FAM184B: variants seen among roughly 807,000 people sequenced by gnomAD.
FAM184B encodes family with sequence similarity 184 member B.
Under a neutral mutation model 135.9 loss-of-function variants are expected in FAM184B, and 111 were observed. The ratio of observed to expected loss-of-function variants is 0.82; its 90% CI spans 0.70 to 0.96. The LOEUF is 0.96. Among genes scored for constraint, FAM184B ranks in the 40% least tolerant of loss-of-function variants. The pLI is 0.00. For synonymous variants in FAM184B, 552 were observed against 524.8 expected, an observed-to-expected ratio of 1.05 and a Z score of -0.71; for missense variants, 1,375 against 1,323.9, an observed-to-expected ratio of 1.04 and a Z score of -0.60.
intron 2 of FAM184B, 41 bp from the exon 3 acceptor site, chr4:17,707,825 C>G: frequency 6.4e-7 from 1 of 1,550,562 alleles, no homozygotes; most frequent in East Asian, 2.4e-5. Flanking sequence ...GGTTATAGCT[C>G]TGTATAGAGA....
intron 1 of FAM184B, among the ~76,000 whole-genome samples, chr4:17,759,557 C>T (rs1489221835): frequency 6.6e-6 from 1 of 152,070 alleles, no homozygotes; most frequent in Admixed American, 6.5e-5. Flanking sequence ...GGCTGGAGTG[C>T]AGTGGCTCAC....
At chr4:17,708,052 T>G (rs77570198) in intron 2 of FAM184B, among the ~76,000 whole-genome samples, 4,678 of 152,308 alleles carry the variant, frequency 0.031, 135 homozygotes, top group African/African-American at 0.077. Flanking sequence ...GATGGGGCTC[T>G]GTGCTTTTGT....
chr4:17,647,123 A>G (rs1715488587), intron 12 of FAM184B, among the ~76,000 whole-genome samples: 1 of 107,816 alleles, frequency 9.3e-6, no homozygotes, highest in African/African-American at 2.8e-5. Context: ...CAGCACTTAA[A>G]ACCTTTTTTT....
chr4:17,714,181 C>T (rs774676674), intron 1 of FAM184B, among the ~76,000 whole-genome samples: 29 of 152,262 alleles, frequency 1.9e-4, no homozygotes, highest in Admixed American at 5.2e-4. Flanking sequence ...ATCAAGGATT[C>T]ACGCTTTCCT....
chr4:17,765,670 TATTTGTTCTTGA>T (rs1718656804), intron 1 of FAM184B, among the ~76,000 whole-genome samples: 1 of 152,210 alleles, frequency 6.6e-6, no homozygotes, highest in South Asian at 2.1e-4. Flanking sequence ...ATTCTGGTTG[TATTTGTTCTTGA>T]AATTATGTAA....
At chr4:17,649,732 C>T (rs1030786150) in intron 11 of FAM184B, among the ~76,000 whole-genome samples, 1 of 152,072 alleles carries the variant, frequency 6.6e-6, no homozygotes, top group Non-Finnish European at 1.5e-5. Flanking sequence ...AAACTCTTTA[C>T]CAAATCATAA....
At chr4:17,711,379 G>A (rs754404125) in intron 1 of FAM184B, among the ~76,000 whole-genome samples, 5 of 152,090 alleles carry the variant, frequency 3.3e-5, no homozygotes, top group Non-Finnish European at 5.9e-5. Context: ...TGGGGAGGCC[G>A]AGGGAGGAGA....
At chr4:17,767,290 G>C (rs2108995780) in intron 1 of FAM184B, among the ~76,000 whole-genome samples, 1 of 152,342 alleles carries the variant, frequency 6.6e-6, no homozygotes, top group East Asian at 1.9e-4. Flanking sequence ...CCTCAAGCGT[G>C]GCCAGAGTGG....
At position 17,705,738 on chromosome 4, in the gene FAM184B, G is replaced by A. The variant is rs57570581; in HGVS notation, c.1170+14C>T. On this transcript the variant is annotated intron_variant, in intron 4 of 17. Coordinates refer to ENST00000265018, the MANE Select transcript of FAM184B (RefSeq NM_015688.2). ...CTGTGCCTTCTCCATCCCCAGGGCT[G>A]GGTCAGACACTACCTGCATATCTGT... 0.36 allele frequency: 565,090 copies of A among 1,550,810 alleles called. 104,445 individuals carry two copies. Among genetic ancestry groups the A allele is most frequent in the Middle Eastern group, 0.43 (2,528 of 5,896 alleles).
Position 17,636,633 on chromosome 4 carries a change from G to T in FAM184B, c.2679C>A (p.Ser893=), listed in dbSNP as rs917220930. 6.5e-7 allele frequency: 1 copy of T among 1,549,238 alleles called. No homozygotes were observed. The highest frequency in any genetic ancestry group is 1.4e-5 in the African/African-American group (1 of 73,110). Residue 893 remains serine (S), a synonymous_variant, in exon 15 of 18, where the codon TCC becomes TCA. Transcript: ENST00000265018. ...ACGCTCCCTTCCCTGGCTTCTCTCCGGAATCTTTCAGTCTGTTCCAAGCAG... is the reference window on the plus strand; with the variant it reads ...ACGCTCCCTTCCCTGGCTTCTCTCCTGAATCTTTCAGTCTGTTCCAAGCAG... ...LAALEAELKD[S]GEKPGKGASR... is the part of the protein sequence containing the mutation.
At position 17,642,206 on chromosome 4, in the gene FAM184B, G is replaced by A. The variant is rs775576608; in HGVS notation, c.2369C>T (p.Ala790Val). The A allele has an allele frequency of 9.9e-6, 15 of 1,514,776 alleles. No homozygotes were observed. Among genetic ancestry groups the A allele is most frequent in the Non-Finnish European group, 1.2e-5 (14 of 1,138,832 alleles). 93.8% of individuals were successfully genotyped at this position (1,514,776 alleles called of 1,614,324 possible). A position where few individuals can be genotyped will look rare whatever the true frequency, so the allele number is the denominator to read the frequency against. ...CCCAGCAGCGCCCGGTGGGGAGCCG[G>A]CCTGGCCCGGGCCGCCCCGCTCCTG... The part of the protein sequence containing the change: ...ATEERGGPGQ[A>V]GSPPGAAGQG... The change falls in exon 13 of 18, where the codon GCC becomes GTC. Residue 790 changes from alanine to valine, a missense_variant. Transcript: ENST00000265018.
chr4:17,713,312 G>T (rs1717328310), intron 1 of FAM184B, among the ~76,000 whole-genome samples: 1 of 152,174 alleles, frequency 6.6e-6, no homozygotes, highest in African/African-American at 2.4e-5. Context: ...CCAACACTCT[G>T]TCATGGACAG....
intron 7 of FAM184B, among the ~76,000 whole-genome samples, chr4:17,677,085 T>C (rs2108950608): frequency 6.6e-6 from 1 of 152,312 alleles, no homozygotes; most frequent in South Asian, 2.1e-4. Context: ...TGTGGCTCTG[T>C]TGCCCAGGCT....
intron 1 of FAM184B, among the ~76,000 whole-genome samples, chr4:17,775,204 G>T (rs1160662665): frequency 1.3e-5 from 2 of 150,890 alleles, no homozygotes; most frequent in Non-Finnish European, 3.0e-5. Flanking sequence ...TTTTATTTTT[G>T]AAATGGAGTC....
intron 6 of FAM184B, among the ~76,000 whole-genome samples, chr4:17,692,051 CAAAAA>C (rs35468215): frequency 2.2e-5 from 3 of 135,160 alleles, no homozygotes; most frequent in Admixed American, 7.2e-5. Context: ...GACTCCGTCT[CAAAAA>C]AAAAAAAAAA....
In FAM184B at chr4:17,652,887, TG is replaced by T. The variant is rs1278689481; in HGVS notation, c.2133del (p.Arg712GlyfsTer19). ...TCACGCTCCTCCTGCAGCTCTTGCCTGGCCTTTTCCTCCAAGGCCTGGAGCT... is the reference window on the plus strand; with the variant it reads ...TCACGCTCCTCCTGCAGCTCTTGCCTGCCTTTTCCTCCAAGGCCTGGAGCT... The part of the protein sequence containing the change: ...RLELQALEEK[A>X]RQELQEERER... On this transcript the variant is annotated frameshift_variant, in exon 11 of 18. Coordinates refer to ENST00000265018, the MANE Select transcript of FAM184B (RefSeq NM_015688.2). LOFTEE classifies it high-confidence loss of function. 1 of 1,551,764 alleles carries T rather than the reference TG, an allele frequency of 6.4e-7. No individual in the cohort carries two copies. Among genetic ancestry groups the T allele is most frequent in the South Asian group, 1.2e-5 (1 of 84,060 alleles).
chr4:17,634,565 C>G (rs1196423261), intron 16 of FAM184B, among the ~76,000 whole-genome samples: 5 of 152,104 alleles, frequency 3.3e-5, no homozygotes, highest in African/African-American at 1.2e-4. Flanking sequence ...CTCAAGTGAT[C>G]CACCCACCTC....
intron 1 of FAM184B, 99 bp from the exon 2 acceptor site, chr4:17,709,743 C>T: frequency 9.1e-7 from 1 of 1,093,850 alleles, no homozygotes; most frequent in South Asian, 1.9e-5. Context: ...GGTTGATCTG[C>T]ACAAGTGGCA....
At chr4:17,649,408 C>T (rs1348503851) in intron 11 of FAM184B, among the ~76,000 whole-genome samples, 1 of 151,680 alleles carries the variant, frequency 6.6e-6, no homozygotes, top group Admixed American at 6.6e-5. Flanking sequence ...CATGGTGAAA[C>T]CCCGTCTCTA....
Sources: gnomAD v4.1 joint callset for allele counts (sites outside exome capture counted in the v4.1 genomes callset) on GRCh38, gnomAD v4.1.1 for gene constraint, MANE v1.5 for transcripts, NCBI Gene and HGNC (gene_info 2026-07-23, HGNC 2026-07-21) for gene names.